ELP4: variants seen among roughly 807,000 people sequenced by gnomAD.
ELP4 encodes elongator complex protein 4.
ELP4 carries 51 observed loss-of-function variants against 48.9 expected under a neutral mutation model. The observed-to-expected ratio is 1.04, with a 90% confidence interval of 0.83 to 1.32. ELP4 has a LOEUF of 1.32. Ranked by LOEUF, ELP4 falls within the 40% of genes most tolerant of loss-of-function variation. The probability of loss-of-function intolerance (pLI) is 0.00; values close to 1 mark genes in which losing one functional copy is unlikely to be tolerated. For missense variants in ELP4, 519 were observed against 514.6 expected, an observed-to-expected ratio of 1.01 and a Z score of -0.08; for synonymous variants, 210 against 189.2, an observed-to-expected ratio of 1.11 and a Z score of -0.90.
At chr11:31,654,655 C>G (rs1945390057) in intron 9 of ELP4, 1 of 151,734 alleles carries the variant, frequency 6.6e-6, no homozygotes, top group African/African-American at 2.4e-5. Flanking sequence ...TAAACTCTTA[C>G]CAATTACAGG....
At chr11:31,533,235 C>T (rs895947557) in intron 2 of ELP4, among the ~76,000 whole-genome samples, 1 of 152,084 alleles carries the variant, frequency 6.6e-6, no homozygotes, top group African/African-American at 2.4e-5. Flanking sequence ...TCTGTTATTC[C>T]ACTCTGTATG....
intron 3 of ELP4, among the ~76,000 whole-genome samples, chr11:31,573,950 T>C (rs1436666223): frequency 6.6e-6 from 1 of 151,982 alleles, no homozygotes; most frequent in Non-Finnish European, 1.5e-5. Context: ...CTTCAATGTA[T>C]GGACCTGAGG....
Position 31,786,445 on chromosome 11 carries a change from A to G in ELP4, c.*2921A>G. The G allele has an allele frequency of 4.6e-6, 1 of 219,552 alleles. No individual in the cohort carries two copies. The highest frequency in any genetic ancestry group is 6.7e-5 in the East Asian group (1 of 14,970). The allele number at this position is 219,552 out of a possible 1,614,324, so 13.6% of individuals were successfully genotyped here. On this transcript the variant is annotated 3_prime_UTR_variant, in exon 10 of 10. Coordinates refer to ENST00000640961, the MANE Select transcript of ELP4 (RefSeq NM_019040.5). ...ATTCAGTACCAAGCCAAAACACAGA[A>G]AAACAAAAAAGCAGATGAGGTTTAT...
intron 3 of ELP4, among the ~76,000 whole-genome samples, chr11:31,572,612 C>T (rs188075308): frequency 1.2e-3 from 186 of 152,274 alleles, no homozygotes; most frequent in Admixed American, 2.7e-3. Context: ...ATCTATCTAT[C>T]TGTCTATCTA....
intron 9 of ELP4, among the ~76,000 whole-genome samples, chr11:31,684,009 G>T (rs1946110514): frequency 6.6e-6 from 1 of 152,072 alleles, no homozygotes; most frequent in Non-Finnish European, 1.5e-5. Context: ...GGGTATTCTG[G>T]CATTCAACGA....
intron 3 of ELP4, among the ~76,000 whole-genome samples, chr11:31,588,261 A>G (rs372723315): frequency 6.6e-6 from 1 of 152,144 alleles, no homozygotes; most frequent in Non-Finnish European, 1.5e-5. Flanking sequence ...AAAATGCTCA[A>G]TGATGATTCT....
At chr11:31,646,963 A>G (rs2134069008) in intron 7 of ELP4, 1 of 151,794 alleles carries the variant, frequency 6.6e-6, no homozygotes, top group Non-Finnish European at 1.5e-5. Context: ...CTACTTAATA[A>G]CTGGACATAC....
intron 9 of ELP4, among the ~76,000 whole-genome samples, chr11:31,688,134 G>GA (rs1946201302): frequency 6.6e-6 from 1 of 152,020 alleles, no homozygotes; most frequent in Non-Finnish European, 1.5e-5. Context: ...AAATACTTTG[G>GA]AAAAAACAGA....
chr11:31,681,818 GGCAA>G, intron 9 of ELP4: 1 of 212,194 alleles, frequency 4.7e-6, no homozygotes, highest in East Asian at 1.8e-4. Flanking sequence ...CTCGGCTCAC[GGCAA>G]CCTCGCCTCC....
chr11:31,563,535 A>G (rs1957056044), intron 3 of ELP4, among the ~76,000 whole-genome samples: 2 of 152,192 alleles, frequency 1.3e-5, no homozygotes, highest in Non-Finnish European at 2.9e-5. Flanking sequence ...ATAAATATAC[A>G]TAAATACTGG....
chr11:31,575,529 G>A (rs527382718), intron 3 of ELP4, among the ~76,000 whole-genome samples: 1 of 152,276 alleles, frequency 6.6e-6, no homozygotes, highest in East Asian at 1.9e-4. Flanking sequence ...AATGTTAAGG[G>A]CAGCCAGAGA....
intron 9 of ELP4, among the ~76,000 whole-genome samples, chr11:31,739,479 A>G (rs2134216246): frequency 6.6e-6 from 1 of 152,284 alleles, no homozygotes; most frequent in South Asian, 2.1e-4. Flanking sequence ...GACATGTACA[A>G]TAATTTCAGA....
At chr11:31,606,771 G>GT (rs1174671025) in intron 5 of ELP4, among the ~76,000 whole-genome samples, 1 of 152,182 alleles carries the variant, frequency 6.6e-6, no homozygotes, top group African/African-American at 2.4e-5. Flanking sequence ...TTGCTAACAA[G>GT]TATGTCCAAG....
At chr11:31,692,361 T>C (rs1946298151) in intron 9 of ELP4, among the ~76,000 whole-genome samples, 1 of 152,194 alleles carries the variant, frequency 6.6e-6, no homozygotes, top group Non-Finnish European at 1.5e-5. Context: ...GTAAGTGCTA[T>C]GATCTAGAAT....
chr11:31,693,951 A>C lies in ELP4; in HGVS notation c.1143+43730A>C, dbSNP rs887082000. On this transcript the variant is annotated intron_variant, in intron 9 of 9. Coordinates refer to ENST00000640961, the MANE Select transcript of ELP4 (RefSeq NM_019040.5). ...TTTCTCATGTGTCTTTTGGCTGCAT[A>C]AGTGTCTTCTTTTGAGAAGTGTCTG... Among the ~76,000 whole-genome samples, 4 of 152,274 alleles carry C rather than the reference A, an allele frequency of 2.6e-5. No individual in the cohort carries two copies. The East Asian group carries it at 5.8e-4, about 22-fold the overall frequency.
chr11:31,601,374 T>G (rs1317485598), intron 4 of ELP4, among the ~76,000 whole-genome samples: 1 of 152,120 alleles, frequency 6.6e-6, no homozygotes, highest in Non-Finnish European at 1.5e-5. Flanking sequence ...AGCAATAAAA[T>G]TTTCATGGCT....
intron 7 of ELP4, among the ~76,000 whole-genome samples, chr11:31,645,026 C>T (rs1945173300): frequency 6.6e-6 from 1 of 151,638 alleles, no homozygotes; most frequent in South Asian, 2.1e-4. Flanking sequence ...AATAATTTTG[C>T]AAAATAAATG....
intron 9 of ELP4, among the ~76,000 whole-genome samples, chr11:31,749,331 A>G (rs1947667132): frequency 6.6e-6 from 1 of 152,248 alleles, no homozygotes; most frequent in South Asian, 2.1e-4. Context: ...GGAAAGAGAC[A>G]CGTAAAAGTC....
intron 9 of ELP4, 23 bp from the exon 10 acceptor site, chr11:31,783,370 T>G (rs1245457407): frequency 1.3e-6 from 2 of 1,587,416 alleles, no homozygotes; most frequent in Non-Finnish European, 1.7e-6. Flanking sequence ...CTTTTTTTCT[T>G]CTCCTGAAAT....
Sources: allele counts gnomAD v4.1 joint callset (sites outside exome capture counted in the v4.1 genomes callset), GRCh38; gene constraint gnomAD v4.1.1; transcripts MANE v1.5; gene names NCBI Gene and HGNC (gene_info 2026-07-23, HGNC 2026-07-21).